Variants in MCPH1 observed in about 807,000 individuals in gnomAD.
MCPH1 encodes the protein microcephalin 1.
MCPH1 carries 104 observed loss-of-function variants against 84.5 expected under a neutral mutation model. The ratio of observed to expected loss-of-function variants is 1.23; its 90% CI spans 1.05 to 1.45. The LOEUF is 1.45. Among genes scored for constraint, MCPH1 ranks in the 40% most tolerant of loss-of-function variants. The pLI, the probability that MCPH1 is intolerant of heterozygous loss-of-function variation, is 0.00. For synonymous variants in MCPH1, 514 were observed against 366.8 expected, an observed-to-expected ratio of 1.40 and a Z score of -4.58; for missense variants, 1,498 against 1,005.7, an observed-to-expected ratio of 1.49 and a Z score of -6.62.
chr8:6,444,134 C>T (rs1334314182), intron 7 of MCPH1, among the ~76,000 whole-genome samples: 3 of 152,116 alleles, frequency 2.0e-5, no homozygotes. Context: ...TGGAAATTTG[C>T]CTAAAATTTT....
chr8:6,473,320 C>CTTTTTTTTTTTTTTTT (rs56077837), intron 9 of MCPH1, among the ~76,000 whole-genome samples: 1 of 76,438 alleles, frequency 1.3e-5, no homozygotes, highest in African/African-American at 5.3e-5. Flanking sequence ...TCTCTCAATC[C>CTTTTTTTTTTTTTTTT]TTTTTTTTTT....
chr8:6,502,159 T>A (rs1050406760), intron 12 of MCPH1: 1 of 152,168 alleles, frequency 6.6e-6, no homozygotes, highest in Non-Finnish European at 1.5e-5. Flanking sequence ...TAGTAAAGTT[T>A]CTTTGTCATA....
intron 9 of MCPH1, among the ~76,000 whole-genome samples, chr8:6,475,945 C>G (rs116697010): frequency 6.6e-6 from 1 of 152,036 alleles, no homozygotes; most frequent in African/African-American, 2.4e-5. Flanking sequence ...TGGATCAACC[C>G]CATTGAGGAC....
At chr8:6,409,892 G>A (rs778731296) in intron 2 of MCPH1, among the ~76,000 whole-genome samples, 4 of 152,126 alleles carry the variant, frequency 2.6e-5, no homozygotes, top group Non-Finnish European at 5.9e-5. Context: ...AAGGACAGGC[G>A]ATGGGAGCAG....
chr8:6,516,117 T>C (rs1816221886), intron 12 of MCPH1, among the ~76,000 whole-genome samples: 1 of 152,194 alleles, frequency 6.6e-6, no homozygotes, highest in African/African-American at 2.4e-5. Context: ...ATAGGTGCCA[T>C]TAATGAAAGT....
chr8:6,408,003 C>A (rs999315415), intron 1 of MCPH1, among the ~76,000 whole-genome samples: 6 of 152,152 alleles, frequency 3.9e-5, no homozygotes, highest in African/African-American at 1.4e-4. Flanking sequence ...GTGCCACAAC[C>A]GTGAAGTTGA....
intron 9 of MCPH1, among the ~76,000 whole-genome samples, chr8:6,468,637 A>G (rs967587730): frequency 7.5e-6 from 1 of 133,890 alleles, no homozygotes; most frequent in Non-Finnish European, 1.5e-5. Context: ...TTGGATGTAC[A>G]TTTTTTTGGT....
intron 5 of MCPH1, among the ~76,000 whole-genome samples, chr8:6,437,586 C>T (rs1358272244): frequency 6.6e-6 from 1 of 152,188 alleles, no homozygotes; most frequent in Non-Finnish European, 1.5e-5. Flanking sequence ...ACACTTAGCC[C>T]ACATAGTGCT....
Position 6,445,022 on chromosome 8 carries a change from C to T in MCPH1, c.1300C>T (p.Gln434Ter). 1 of 1,614,216 alleles carries T rather than the reference C, an allele frequency of 6.2e-7. No homozygotes were observed. Among genetic ancestry groups the T allele is most frequent in the Non-Finnish European group, 8.5e-7 (1 of 1,180,040 alleles). The part of the protein sequence containing the change: ...RYSENLPPES[Q>*]LPSSPAQLSC... ...TTCAGAGAATCTTCCTCCTGAATCT[C>T]AGCTGCCATCAAGCCCTGCTCAGTT... Residue 434 changes from glutamine (Q) to a stop codon, truncating the protein, a stop_gained, in exon 8 of 14, where the codon CAG (glutamine) becomes TAG (stop). Coordinates refer to ENST00000344683, the MANE Select transcript of MCPH1 (RefSeq NM_024596.5). LOFTEE classifies it high-confidence loss of function.
intron 3 of MCPH1, among the ~76,000 whole-genome samples, chr8:6,418,259 A>T (rs1799605710): frequency 6.6e-6 from 1 of 152,074 alleles, no homozygotes; most frequent in Non-Finnish European, 1.5e-5. Context: ...GCTCCCTCAG[A>T]GACTGTGGCT....
intron 7 of MCPH1, among the ~76,000 whole-genome samples, chr8:6,442,811 AT>A (rs1234357626): frequency 6.6e-6 from 1 of 152,222 alleles, no homozygotes; most frequent in Non-Finnish European, 1.5e-5. Flanking sequence ...TTGAGATGTT[AT>A]GGAAAATTTA....
intron 12 of MCPH1, among the ~76,000 whole-genome samples, chr8:6,513,488 A>C (rs1251677778): frequency 2.0e-5 from 3 of 151,662 alleles, no homozygotes; most frequent in Non-Finnish European, 4.4e-5. Context: ...GCCCACCACC[A>C]CACCTGGCTA....
intron 11 of MCPH1, among the ~76,000 whole-genome samples, chr8:6,486,813 T>C (rs1028313370): frequency 5.3e-5 from 8 of 152,216 alleles, no homozygotes; most frequent in Admixed American, 2.6e-4. Flanking sequence ...TTGACCAAAG[T>C]GTCCCTTTAG....
intron 12 of MCPH1, among the ~76,000 whole-genome samples, chr8:6,589,534 C>A (rs749252235): frequency 6.6e-6 from 1 of 152,186 alleles, no homozygotes; most frequent in Non-Finnish European, 1.5e-5. Flanking sequence ...AAATCCTGAA[C>A]AACAAAGTTT....
At chr8:6,482,810 G>A (rs1443630371) in intron 11 of MCPH1, among the ~76,000 whole-genome samples, 1 of 152,150 alleles carries the variant, frequency 6.6e-6, no homozygotes, top group African/African-American at 2.4e-5. Context: ...TATGATAAAG[G>A]TGGGCATTAA....
intron 8 of MCPH1, among the ~76,000 whole-genome samples, chr8:6,449,126 T>C (rs1425388778): frequency 6.6e-6 from 1 of 152,228 alleles, no homozygotes; most frequent in Non-Finnish European, 1.5e-5. Flanking sequence ...TTTGAAAATA[T>C]CTTTTCACAC....
chr8:6,579,433 T>A (rs1310536377), intron 12 of MCPH1, among the ~76,000 whole-genome samples: 2 of 152,224 alleles, frequency 1.3e-5, no homozygotes, highest in African/African-American at 4.8e-5. Flanking sequence ...AAACTATATG[T>A]CCTTGTGTTG....
intron 12 of MCPH1, among the ~76,000 whole-genome samples, chr8:6,609,355 A>G (rs1392589128): frequency 6.6e-6 from 1 of 152,238 alleles, no homozygotes; most frequent in African/African-American, 2.4e-5. Context: ...TATTTCTCGC[A>G]GTTGTTGAAA....
At chr8:6,597,870 A>G (rs765669332) in intron 12 of MCPH1, among the ~76,000 whole-genome samples, 1 of 152,002 alleles carries the variant, frequency 6.6e-6, no homozygotes, top group Non-Finnish European at 1.5e-5. Context: ...CCCTTCACTT[A>G]CCCATCTCCT....
Sources: gnomAD v4.1 joint callset for allele counts (sites outside exome capture counted in the v4.1 genomes callset) on GRCh38, gnomAD v4.1.1 for gene constraint, MANE v1.5 for transcripts, NCBI Gene and HGNC (gene_info 2026-07-23, HGNC 2026-07-21) for gene names.